Variants in SNCAIP observed in about 807,000 individuals in gnomAD.
The protein encoded by SNCAIP is synuclein alpha interacting protein.
In SNCAIP, 43 loss-of-function variants were observed where a neutral mutation model predicts 86.7. That is an observed-to-expected ratio of 0.50 (90% CI 0.39 to 0.64). The LOEUF (loss-of-function observed/expected upper bound fraction) is 0.64. SNCAIP is among the 30% of genes least tolerant of loss of function. The pLI, the probability that SNCAIP is intolerant of heterozygous loss-of-function variation, is 0.00. For missense variants in SNCAIP, 981 were observed against 1,103.1 expected, an observed-to-expected ratio of 0.89 and a Z score of 1.57; for synonymous variants, 417 against 427.2, an observed-to-expected ratio of 0.98 and a Z score of 0.29.
intron 1 of SNCAIP, among the ~76,000 whole-genome samples, chr5:122,371,963 T>A (rs1764365173): frequency 6.6e-6 from 1 of 152,100 alleles, no homozygotes; most frequent in South Asian, 2.1e-4. Flanking sequence ...AGAAGAAAAA[T>A]GTGTGAGGAC....
chr5:122,388,662 T>C (rs966895325), intron 1 of SNCAIP: 1 of 152,246 alleles, frequency 6.6e-6, no homozygotes, highest in Non-Finnish European at 1.5e-5. Flanking sequence ...AGACTCACTC[T>C]TACCTGTAAA....
chr5:122,320,535 A>G (rs1752705746), intron 1 of SNCAIP, among the ~76,000 whole-genome samples: 2 of 152,232 alleles, frequency 1.3e-5, no homozygotes, highest in African/African-American at 4.8e-5. Context: ...GGAAGTATCA[A>G]GAATTTATTC....
At chr5:122,312,745 G>T in intron 1 of SNCAIP, 1 of 152,562 alleles carries the variant, frequency 6.6e-6, no homozygotes, top group Non-Finnish European at 1.5e-5. Context: ...AGGGACGTCT[G>T]GTGTTGCTGC....
intron 1 of SNCAIP, among the ~76,000 whole-genome samples, chr5:122,315,570 T>C (rs1245894550): frequency 6.6e-6 from 1 of 152,206 alleles, no homozygotes; most frequent in Non-Finnish European, 1.5e-5. Context: ...TTGAGGATAC[T>C]TGTGTCTAGC....
chr5:122,406,623 G>A (rs1164645513), intron 3 of SNCAIP, among the ~76,000 whole-genome samples: 1 of 152,094 alleles, frequency 6.6e-6, no homozygotes, highest in East Asian at 1.9e-4. Flanking sequence ...GTTCTCATGA[G>A]ATCTGGTTTA....
At chr5:122,441,820 G>C (rs1781003597) in intron 7 of SNCAIP, among the ~76,000 whole-genome samples, 1 of 152,190 alleles carries the variant, frequency 6.6e-6, no homozygotes, top group Non-Finnish European at 1.5e-5. Flanking sequence ...GAAAGGAAAG[G>C]CTTTGAATTG....
chr5:122,345,411 G>A (rs564964440), intron 1 of SNCAIP, among the ~76,000 whole-genome samples: 2 of 152,236 alleles, frequency 1.3e-5, no homozygotes, highest in African/African-American at 2.4e-5. Context: ...AAAGAGGCTA[G>A]AGCAATCCTA....
chr5:122,347,986 G>C (rs1205030396), intron 1 of SNCAIP, among the ~76,000 whole-genome samples: 1 of 151,994 alleles, frequency 6.6e-6, no homozygotes, highest in African/African-American at 2.4e-5. Context: ...TTATGAGCAA[G>C]CCAACGTATA....
intron 1 of SNCAIP, among the ~76,000 whole-genome samples, chr5:122,347,361 C>T (rs1250918773): frequency 2.0e-5 from 3 of 150,340 alleles, no homozygotes; most frequent in Admixed American, 1.3e-4. Flanking sequence ...TTTTTTTGAC[C>T]GGTTGTAGGA....
chr5:122,380,989 T>A (rs200550766), intron 1 of SNCAIP, among the ~76,000 whole-genome samples: 1 of 134,478 alleles, frequency 7.4e-6, no homozygotes, highest in Non-Finnish European at 1.6e-5. Context: ...AATAGGTGTG[T>A]TGTGGTGCTG....
intron 10 of SNCAIP, among the ~76,000 whole-genome samples, chr5:122,453,997 G>C (rs187703197): frequency 6.6e-6 from 1 of 152,232 alleles, no homozygotes; most frequent in Admixed American, 6.5e-5. Context: ...GGCCTCAAAT[G>C]ATCCACCTGC....
At chr5:122,330,888 T>C (rs1004533507) in intron 1 of SNCAIP, among the ~76,000 whole-genome samples, 1 of 151,784 alleles carries the variant, frequency 6.6e-6, no homozygotes, top group Admixed American at 6.6e-5. Context: ...CCTGAGATTG[T>C]TTTCCTGCAA....
chr5:122,452,416 T>C (rs1783880793), intron 10 of SNCAIP, among the ~76,000 whole-genome samples: 1 of 152,192 alleles, frequency 6.6e-6, no homozygotes, highest in Non-Finnish European at 1.5e-5. Flanking sequence ...CTCCATGTGA[T>C]CCAGATAAAC....
chr5:122,337,671 TG>T (rs1561535348), intron 1 of SNCAIP, among the ~76,000 whole-genome samples: 1 of 152,186 alleles, frequency 6.6e-6, no homozygotes, highest in Non-Finnish European at 1.5e-5. Context: ...CCCAAGAAGC[TG>T]GGACTGCAGG....
intron 6 of SNCAIP, among the ~76,000 whole-genome samples, chr5:122,432,637 C>T (rs1561758098): frequency 6.6e-6 from 1 of 152,028 alleles, no homozygotes; most frequent in Non-Finnish European, 1.5e-5. Context: ...TTAATCAAGG[C>T]AGTCTCACTC....
In SNCAIP at chr5:122,385,360, C is replaced by G. The variant is rs530151457; in HGVS notation, c.-46-5729C>G. On this transcript the variant is annotated intron_variant, in intron 1 of 10. Transcript: ENST00000261368. ...CTTCTTGGCTCTCCTTCAGTTGCCT[C>G]TTTCTAGTAAAAATTTCTTGCCTCT... Among the ~76,000 whole-genome samples the G allele has an allele frequency of 2.1e-3, 313 of 152,296 alleles. 3 individuals carry two copies. The highest frequency in any genetic ancestry group is 7.1e-3 in the African/African-American group (295 of 41,558).
intron 3 of SNCAIP, among the ~76,000 whole-genome samples, chr5:122,412,239 C>T (rs1271849428): frequency 6.6e-6 from 1 of 152,150 alleles, no homozygotes; most frequent in Non-Finnish European, 1.5e-5. Flanking sequence ...TCCTCCTTGC[C>T]AACCCTCCAT....
chr5:122,421,207 GTAT>G (rs1776298083), intron 3 of SNCAIP, among the ~76,000 whole-genome samples: 1 of 152,202 alleles, frequency 6.6e-6, no homozygotes, highest in Admixed American at 6.5e-5. Flanking sequence ...ACAGCTCGTA[GTAT>G]TCTCTTCTTA....
chr5:122,342,233 G>A (rs994872450), intron 1 of SNCAIP, among the ~76,000 whole-genome samples: 7 of 151,948 alleles, frequency 4.6e-5, no homozygotes, highest in African/African-American at 7.3e-5. Context: ...CTTGTCACCC[G>A]AGTACTTAGG....
Sources: gnomAD v4.1 joint callset for allele counts (sites outside exome capture counted in the v4.1 genomes callset) on GRCh38, gnomAD v4.1.1 for gene constraint, MANE v1.5 for transcripts, NCBI Gene and HGNC (gene_info 2026-07-23, HGNC 2026-07-21) for gene names.